The following SYT9 variants were observed in gnomAD, a reference collection of about 807,000 sequenced individuals.
SYT9 encodes synaptotagmin-9.
A neutral mutation model predicts 48.4 loss-of-function variants in SYT9; 22 were observed. The observed-to-expected ratio is 0.45, with a 90% confidence interval of 0.32 to 0.65. The LOEUF (loss-of-function observed/expected upper bound fraction) is 0.65. Ranked by LOEUF, SYT9 falls within the 30% of genes least tolerant of loss-of-function variation. The pLI, the probability that SYT9 is intolerant of heterozygous loss-of-function variation, is 0.03. For synonymous variants in SYT9, 265 were observed against 245.0 expected (o/e 1.08, Z -0.76); for missense variants, 577 against 622.0 (o/e 0.93, Z 0.77).
At chr11:7,308,671 G>A (rs1412160440) in intron 2 of SYT9, among the ~76,000 whole-genome samples, 1 of 152,158 alleles carries the variant, frequency 6.6e-6, no homozygotes. Context: ...AGTTTCCTCA[G>A]CCAGAGGCCT....
At position 7,252,077 on chromosome 11, in the gene SYT9, G is replaced by A; in HGVS notation, c.-110G>A. ...TCAGGCTCGCACCGTTTCTCGGCAGGTCCCTGGCGGTGAGCGCGGACGGCC... is the reference window on the plus strand; with the variant it reads ...TCAGGCTCGCACCGTTTCTCGGCAGATCCCTGGCGGTGAGCGCGGACGGCC... On this transcript the variant is annotated 5_prime_UTR_variant, in exon 1 of 7. Transcript: ENST00000318881. This position sits in a 1 kb window ranked among gnomAD's most constrained non-coding sequence, Gnocchi z 6.3. 8.1e-7 allele frequency: 1 copy of A among 1,233,310 alleles called. No individual in the cohort carries two copies. The highest frequency in any genetic ancestry group is 2.2e-5 in the South Asian group (1 of 45,366). 76.4% of individuals were successfully genotyped at this position (1,233,310 alleles called of 1,614,324 possible).
At chr11:7,376,799 A>T (rs1589982527) in intron 3 of SYT9, among the ~76,000 whole-genome samples, 1 of 152,024 alleles carries the variant, frequency 6.6e-6, no homozygotes, top group East Asian at 1.9e-4. Flanking sequence ...CCTTTGAATG[A>T]AGATTTAGGG....
At chr11:7,263,593 T>C (rs761702560) in intron 1 of SYT9, among the ~76,000 whole-genome samples, 16 of 152,090 alleles carry the variant, frequency 1.1e-4, no homozygotes, top group Non-Finnish European at 2.1e-4. Flanking sequence ...GAAAGTAACG[T>C]GGAGAAAAAT....
At chr11:7,365,556 G>A (rs974085427) in intron 3 of SYT9, among the ~76,000 whole-genome samples, 2 of 152,046 alleles carry the variant, frequency 1.3e-5, no homozygotes, top group African/African-American at 4.8e-5. Flanking sequence ...TGCTCACCAC[G>A]AAGCCTAACA....
intron 3 of SYT9, among the ~76,000 whole-genome samples, chr11:7,407,006 ATATC>A (rs1847027689): frequency 6.6e-6 from 1 of 151,994 alleles, no homozygotes; most frequent in African/African-American, 2.4e-5. Flanking sequence ...TTCTTGATAA[ATATC>A]TATTCATGTC....
chr11:7,321,290 T>G (rs1310831039), intron 3 of SYT9, among the ~76,000 whole-genome samples: 1 of 141,074 alleles, frequency 7.1e-6, no homozygotes, highest in Non-Finnish European at 1.5e-5. Flanking sequence ...AGTGACTGAT[T>G]TGGAGACTTT....
At chr11:7,269,198 A>G (rs963687486) in intron 1 of SYT9, among the ~76,000 whole-genome samples, 2 of 152,042 alleles carry the variant, frequency 1.3e-5, no homozygotes, top group Non-Finnish European at 2.9e-5. Context: ...TGGTAAAGAC[A>G]GCATTTCAAA....
In SYT9 at chr11:7,252,586, G is replaced by C. The variant is rs1847893361; in HGVS notation, c.145+255G>C. 6.6e-6 allele frequency among the ~76,000 whole-genome samples: 1 copy of C among 152,198 alleles called. No homozygotes were observed. Among genetic ancestry groups the C allele is most frequent in the African/African-American group, 2.4e-5 (1 of 41,468 alleles). On this transcript the variant is annotated intron_variant, in intron 1 of 6. Transcript: ENST00000318881. This position sits in a 1 kb window ranked among gnomAD's most constrained non-coding sequence, Gnocchi z 6.3. Reference sequence around the variant, plus strand: ...GTTGGAGGGACCACGCCCGCCACCTGCGCTCCCATCGCCAAGGCTCCTGGG... The same window carrying C: ...GTTGGAGGGACCACGCCCGCCACCTCCGCTCCCATCGCCAAGGCTCCTGGG...
intron 3 of SYT9, among the ~76,000 whole-genome samples, chr11:7,391,040 C>T (rs1850755597): frequency 1.3e-5 from 2 of 152,020 alleles, no homozygotes; most frequent in African/African-American, 2.4e-5. Context: ...CATGTGCACC[C>T]AAAATTTAGC....
chr11:7,452,845 C>T (rs184472419), intron 6 of SYT9, among the ~76,000 whole-genome samples: 31 of 152,176 alleles, frequency 2.0e-4, no homozygotes, highest in South Asian at 8.3e-4. Flanking sequence ...TGCAATGATG[C>T]GATCTCGGCT....
At position 7,382,900 on chromosome 11, in the gene SYT9, G is replaced by A. The variant is rs531727637; in HGVS notation, c.1045-33142G>A. Among the ~76,000 whole-genome samples, 597 of 152,268 alleles carry A rather than the reference G, an allele frequency of 3.9e-3. 3 individuals carry two copies. Among genetic ancestry groups the A allele is most frequent in the Non-Finnish European group, 6.7e-3 (454 of 68,028 alleles). ...GCCCTGTGAGGCTGCGGAGCTTGCC[G>A]GAGCCCCAGCACCAGCTCAGAAATT... is the stretch of plus-strand genomic sequence containing the variant. On this transcript the variant is annotated intron_variant, in intron 3 of 6. Coordinates refer to ENST00000318881, the MANE Select transcript of SYT9 (RefSeq NM_175733.4).
intron 6 of SYT9, chr11:7,439,871 T>G (rs1447172370): frequency 6.6e-6 from 1 of 152,188 alleles, no homozygotes; most frequent in African/African-American, 2.4e-5. Flanking sequence ...CCCAGAAAGC[T>G]GTTTATGGGC....
chr11:7,384,642 C>A (rs920775179), intron 3 of SYT9, among the ~76,000 whole-genome samples: 8 of 152,244 alleles, frequency 5.3e-5, no homozygotes, highest in Non-Finnish European at 8.8e-5. Flanking sequence ...TCTCCCCAGA[C>A]TATTCTTAAC....
chr11:7,248,240 T>C (rs1311483216), upstream of SYT9, among the ~76,000 whole-genome samples: 1 of 152,058 alleles, frequency 6.6e-6, no homozygotes, highest in Non-Finnish European at 1.5e-5. Context: ...TTGTCAGATG[T>C]ATAGATTGTG....
upstream of SYT9, among the ~76,000 whole-genome samples, chr11:7,251,132 A>ACACACAAACC (rs146134507): frequency 7.8e-6 from 1 of 127,852 alleles, no homozygotes; most frequent in African/African-American, 2.6e-5. Context: ...ACACACACAC[A>ACACACAAACC]CCCAGAGTAC....
At chr11:7,319,284 C>A (rs1359594757) in intron 3 of SYT9, among the ~76,000 whole-genome samples, 3 of 132,278 alleles carry the variant, frequency 2.3e-5, no homozygotes, top group African/African-American at 8.6e-5. Flanking sequence ...TAACTTTCAA[C>A]TGAAAGCCAC....
chr11:7,277,070 A>G (rs2133895978), intron 1 of SYT9, among the ~76,000 whole-genome samples: 1 of 152,068 alleles, frequency 6.6e-6, no homozygotes, highest in East Asian at 1.9e-4. Flanking sequence ...CAAAAAACAA[A>G]CAAACAAACA....
chr11:7,240,237 C>T (rs1847727280), intron 1 of SYT9, among the ~76,000 whole-genome samples: 1 of 152,142 alleles, frequency 6.6e-6, no homozygotes, highest in African/African-American at 2.4e-5. Context: ...CTACCCTCAT[C>T]TCACCCCATT....
intron 1 of SYT9, among the ~76,000 whole-genome samples, chr11:7,277,360 A>G (rs1054221398): frequency 6.6e-6 from 1 of 152,248 alleles, no homozygotes; most frequent in African/African-American, 2.4e-5. Flanking sequence ...ATGTGAATTC[A>G]TTATGTGCTG....
Sources: gnomAD v4.1 joint callset for allele counts (sites outside exome capture counted in the v4.1 genomes callset) on GRCh38, gnomAD v4.1.1 for gene constraint, Gnocchi (gnomAD v3.1) non-coding constraint, MANE v1.5 for transcripts, NCBI Gene and HGNC (gene_info 2026-07-23, HGNC 2026-07-21) for gene names.